CYFIP1: variants seen among roughly 807,000 people sequenced by gnomAD.
CYFIP1 encodes the protein cytoplasmic FMR1-interacting protein 1.
Under a neutral mutation model 163.5 loss-of-function variants are expected in CYFIP1, and 58 were observed. The observed-to-expected ratio is 0.35, with a 90% CI of 0.29 to 0.44. CYFIP1 has a LOEUF of 0.44. Among genes scored for constraint, CYFIP1 ranks in the 20% least tolerant of loss-of-function variants. The pLI is 1.00. For synonymous variants in CYFIP1, 663 were observed against 660.7 expected (o/e 1.00, Z -0.05); for missense variants, 1,338 against 1,653.8 (o/e 0.81, Z 3.31).
At chr15:22,937,385 A>G (rs1177021275) in intron 8 of CYFIP1, among the ~76,000 whole-genome samples, 177 bp from the exon 9 acceptor site, 39 of 152,254 alleles carry the variant, frequency 2.6e-4, no homozygotes, top group African/African-American at 9.4e-4. Flanking sequence ...TCCTCAGTGA[A>G]ACTGGGATAC....
chr15:22,936,945 G>C (rs2061729319), intron 9 of CYFIP1, among the ~76,000 whole-genome samples, 159 bp downstream of exon 9: 2 of 152,136 alleles, frequency 1.3e-5, no homozygotes, highest in Admixed American at 6.6e-5. Flanking sequence ...GAAAGAGAAA[G>C]CGCGGTCACC....
chr15:22,886,220 G>A (rs556774057), intron 23 of CYFIP1, among the ~76,000 whole-genome samples: 14 of 152,240 alleles, frequency 9.2e-5, no homozygotes, highest in Non-Finnish European at 1.5e-4. Context: ...CTTGACTCAT[G>A]GGGGTTATGA....
chr15:22,939,884 G>A (rs1320588598), intron 6 of CYFIP1, among the ~76,000 whole-genome samples: 3 of 152,106 alleles, frequency 2.0e-5, no homozygotes, highest in South Asian at 2.1e-4. Flanking sequence ...TGCCATCTCC[G>A]TGACTCCCAC....
At chr15:22,944,986 A>G (rs772790515) in intron 3 of CYFIP1, 47 bp from the exon 4 acceptor site, 1 of 1,548,092 alleles carries the variant, frequency 6.5e-7, no homozygotes, top group Non-Finnish European at 8.9e-7. Context: ...GGGAACTAGC[A>G]TGAAAAGCAG....
chr15:22,917,721 A>C lies in CYFIP1; in HGVS notation c.1674+67T>G. ...ATTTAACCCGGGCCTCACCAGCCCCACCCGCTCACAGCTCAGGGTGGGTCC... is the reference window on the plus strand; with the variant it reads ...ATTTAACCCGGGCCTCACCAGCCCCCCCCGCTCACAGCTCAGGGTGGGTCC... On this transcript the variant is annotated intron_variant, in intron 15 of 30. Coordinates refer to ENST00000617928, the MANE Select transcript of CYFIP1 (RefSeq NM_014608.6). This position sits in a 1 kb window ranked among gnomAD's most constrained non-coding sequence, Gnocchi z 4.2. 6.7e-7 allele frequency: 1 copy of C among 1,503,558 alleles called. No homozygotes were observed. The highest frequency in any genetic ancestry group is 8.9e-7 in the Non-Finnish European group (1 of 1,127,424). The allele number at this position is 1,503,558 out of a possible 1,614,324, so 93.1% of individuals were successfully genotyped here. A position where few individuals can be genotyped will look rare whatever the true frequency, so the allele number is the denominator to read the frequency against.
chr15:22,892,215 G>A (rs927931170), intron 23 of CYFIP1, among the ~76,000 whole-genome samples: 23 of 152,132 alleles, frequency 1.5e-4, no homozygotes, highest in Admixed American at 7.2e-4. Context: ...ATTTTTGTGG[G>A]GTATCTGCTC....
intron 17 of CYFIP1, 87 bp from the exon 18 acceptor site, chr15:22,912,362 C>G (rs986126063): frequency 1.0e-6 from 1 of 963,686 alleles, no homozygotes; most frequent in African/African-American, 1.7e-5. Context: ...AAACTCAACT[C>G]CATTTTCCAC....
chr15:22,876,923 G>A (rs2059602537), intron 26 of CYFIP1, among the ~76,000 whole-genome samples: 1 of 152,072 alleles, frequency 6.6e-6, no homozygotes, highest in South Asian at 2.1e-4. Flanking sequence ...CCAGCCCTAA[G>A]GGGTCTCTGA....
At chr15:22,890,545 C>T (rs568619615) in intron 23 of CYFIP1, among the ~76,000 whole-genome samples, 4 of 152,200 alleles carry the variant, frequency 2.6e-5, no homozygotes, top group Non-Finnish European at 5.9e-5. Context: ...GGATGCCCTC[C>T]TGGGGCACCA....
At chr15:22,954,453 A>AT (rs2062373704) in intron 1 of CYFIP1, among the ~76,000 whole-genome samples, 1 of 152,228 alleles carries the variant, frequency 6.6e-6, no homozygotes, top group African/African-American at 2.4e-5. Context: ...GATCATGAAA[A>AT]TAATACGTGC....
At chr15:22,951,564 C>T in intron 1 of CYFIP1, 1 of 1,285,838 alleles carries the variant, frequency 7.8e-7, no homozygotes, top group Non-Finnish European at 1.0e-6. Flanking sequence ...GTCCCGCAGT[C>T]TGCCCTTTCT....
At position 22,912,224 on chromosome 15, in the gene CYFIP1, G is replaced by A; in HGVS notation, c.2037C>T (p.Leu679=). 1 of 1,614,092 alleles carries A rather than the reference G, an allele frequency of 6.2e-7. No individual in the cohort carries two copies. Among genetic ancestry groups the A allele is most frequent in the Non-Finnish European group, 8.5e-7 (1 of 1,179,954 alleles). Residue 679 remains leucine, a synonymous_variant, in exon 18 of 31, where the codon CTC becomes CTT. Coordinates refer to ENST00000617928, the MANE Select transcript of CYFIP1 (RefSeq NM_014608.6). ...ACAGGAACTGCTTGTTGAACCTGGT[G>A]AGCGCGTAGTGGGCGCTGTCATTGT... ...DLYNDSAHYA[L]TRFNKQFLYD... is the part of the protein sequence containing the mutation.
chr15:22,949,587 G>A (rs2062180668), intron 1 of CYFIP1, among the ~76,000 whole-genome samples: 1 of 152,118 alleles, frequency 6.6e-6, no homozygotes, highest in South Asian at 2.1e-4. Flanking sequence ...AAAAATCAAA[G>A]TACTGTCTAA....
intron 26 of CYFIP1, 88 bp downstream of exon 26, chr15:22,879,825 G>A: frequency 1.0e-6 from 1 of 990,456 alleles, no homozygotes; most frequent in African/African-American, 1.7e-5. Context: ...CCCCACTAAA[G>A]AACCCGCCAA....
At chr15:22,913,605 T>A (rs1323590907) in intron 17 of CYFIP1, among the ~76,000 whole-genome samples, 11 of 66,960 alleles carry the variant, frequency 1.6e-4, no homozygotes, top group East Asian at 5.2e-4. Flanking sequence ...TAGACAGCAT[T>A]AAAAAAAAAA....
Position 22,917,839 on chromosome 15 carries a change from G to C in CYFIP1, c.1623C>G (p.Ser541Arg), listed in dbSNP as rs764174349. Residue 541 changes from serine to arginine, a missense_variant, in exon 15 of 31, where the codon AGC (serine) becomes AGG (arginine). Physicochemically the swap from Ser to Arg is moderately radical, Grantham distance 110 (BLOSUM62 -1). Around this residue, in one of 4 missense-constraint regions of CYFIP1, gnomAD observed 824 missense variants for 995.7 expected, o/e 0.83. Transcript: ENST00000617928. This position sits in a 1 kb window ranked among gnomAD's most constrained non-coding sequence, Gnocchi z 4.2. Reference protein sequence around the residue: ...PALRGEKDPKSGFDIKVPRRA... With the variant: ...PALRGEKDPKRGFDIKVPRRA... ...GGCGTGGTACTTTTATGTCGAAGCC[G>C]CTCTTGGGGTCCTTCTCGCCCCGCA... 1 of 1,613,838 alleles carries C rather than the reference G, an allele frequency of 6.2e-7. No homozygotes were observed. Among genetic ancestry groups the C allele is most frequent in the Admixed American group, 1.7e-5 (1 of 59,980 alleles).
intron 28 of CYFIP1, 44 bp from the exon 29 acceptor site, chr15:22,873,773 T>A (rs1412506801): frequency 4.0e-6 from 6 of 1,482,140 alleles, no homozygotes; most frequent in Non-Finnish European, 5.6e-6. Flanking sequence ...CCTCCAGGCA[T>A]CCAGCTACTC....
chr15:22,932,855 G>T (rs1229287117), intron 10 of CYFIP1, among the ~76,000 whole-genome samples: 1 of 152,040 alleles, frequency 6.6e-6, no homozygotes, highest in Non-Finnish European at 1.5e-5. Context: ...TTTGAGGTAG[G>T]GTCTTGCTCT....
chr15:22,966,561 GCCA>G (rs1013857242), intron 1 of CYFIP1, among the ~76,000 whole-genome samples: 1 of 151,948 alleles, frequency 6.6e-6, no homozygotes, highest in Non-Finnish European at 1.5e-5. Context: ...CTGTGGTGAG[GCCA>G]CCCAGTCGCT....
Sources: gnomAD v4.1 joint callset for allele counts (sites outside exome capture counted in the v4.1 genomes callset) on GRCh38, gnomAD v4.1.1 for gene constraint, gnomAD v4.1.1 regional missense constraint, Gnocchi (gnomAD v3.1) non-coding constraint, MANE v1.5 for transcripts, NCBI Gene and HGNC (gene_info 2026-07-23, HGNC 2026-07-21) for gene names.